LRIG1: variants seen among roughly 807,000 people sequenced by gnomAD.
LRIG1 encodes leucine-rich repeats and immunoglobulin-like domains protein 1.
A neutral mutation model predicts 99.2 loss-of-function variants in LRIG1; 48 were observed. That is an observed-to-expected ratio of 0.48 (90% CI 0.38 to 0.62). LRIG1 has a LOEUF of 0.62. Among genes scored for constraint, LRIG1 ranks in the 20% least tolerant of loss-of-function variants. LRIG1 has a pLI of 0.00. For synonymous variants in LRIG1, 772 were observed against 596.1 expected, an observed-to-expected ratio of 1.29 and a Z score of -4.30; for missense variants, 1,646 against 1,434.4, an observed-to-expected ratio of 1.15 and a Z score of -2.38.
chr3:66,500,506 G>C lies in LRIG1; in HGVS notation c.-99C>G. 1.7e-6 allele frequency: 1 copy of C among 599,174 alleles called. No homozygotes were observed. The highest frequency in any genetic ancestry group is 2.5e-6 in the Non-Finnish European group (1 of 399,286). 37.1% of individuals were successfully genotyped at this position (599,174 alleles called of 1,614,324 possible). ...CCGCGGGGCGCTCCGCTCGGCTCTA[G>C]ACTCCGCACCGGGGCATGGCCCCCG... On this transcript the variant is annotated 5_prime_UTR_variant, in exon 1 of 19. Coordinates refer to ENST00000273261, the MANE Select transcript of LRIG1 (RefSeq NM_015541.3).
At chr3:66,406,515 G>A in intron 8 of LRIG1, 1 of 654,004 alleles carries the variant, frequency 1.5e-6, no homozygotes, top group Middle Eastern at 7.8e-4. Flanking sequence ...CCAGGTGCAA[G>A]TGCAAAGGCC....
rs766660777 is a variant in LRIG1 at position 66,382,397 on chromosome 3, A to C, written c.2493T>G (p.Asp831Glu). Residue 831 changes from aspartate (D) to glutamate (E), a missense_variant and splice_region_variant, in exon 16 of 19, where the codon GAT (aspartate) becomes GAG (glutamate). By Grantham distance (45) the Asp-to-Glu change is conservative. Transcript: ENST00000273261. ...GAACATCTGGTGGCACGACGGTTTC[A>C]TCTGCAAGGAGACAGAACAAATAGA... ...KSEEYSVTNTDETVVPPDVPS... is the reference protein window; with the variant it reads ...KSEEYSVTNTEETVVPPDVPS... 54 of 1,614,124 alleles carry C rather than the reference A, an allele frequency of 3.3e-5. No individual in the cohort carries two copies. Among genetic ancestry groups the C allele is most frequent in the Non-Finnish European group, 4.4e-5 (52 of 1,180,046 alleles).
rs1347016800 is a variant in LRIG1 at position 66,417,460 on chromosome 3, T to C, written c.366-194A>G. On this transcript the variant is annotated intron_variant, in intron 3 of 18. Transcript: ENST00000273261. The stretch of plus-strand genomic sequence containing the variant: ...TGCTAGGAGAATATTGGATTTTCAA[T>C]CTGGGACAAGTTTATCAAAGTTCTA... 3 of 615,370 alleles carry C rather than the reference T, an allele frequency of 4.9e-6. No individual in the cohort carries two copies. The African/African-American group carries it at 5.6e-5, about 11-fold the overall frequency. The allele number at this position is 615,370 out of a possible 1,614,324, so 38.1% of individuals were successfully genotyped here.
chr3:66,383,954 A>ACACACG, intron 14 of LRIG1, 37 bp downstream of exon 14: 1 of 1,582,792 alleles, frequency 6.3e-7, no homozygotes, highest in Non-Finnish European at 8.6e-7. Context: ...TCGCTCACAC[A>ACACACG]CACACACACA....
intron 3 of LRIG1, among the ~76,000 whole-genome samples, chr3:66,430,719 T>C (rs996893171): frequency 6.6e-6 from 1 of 152,078 alleles, no homozygotes; most frequent in Non-Finnish European, 1.5e-5. Context: ...CAGTACCAGG[T>C]TGGGCTAAGA....
chr3:66,427,538 G>A (rs923366965), intron 3 of LRIG1, among the ~76,000 whole-genome samples: 2 of 152,154 alleles, frequency 1.3e-5, no homozygotes, highest in African/African-American at 4.8e-5. Flanking sequence ...AGTGACTCTG[G>A]CCTGTAATCC....
intron 3 of LRIG1, among the ~76,000 whole-genome samples, chr3:66,440,489 G>C (rs1008255053): frequency 2.6e-5 from 4 of 152,180 alleles, no homozygotes; most frequent in Non-Finnish European, 4.4e-5. Flanking sequence ...TTTTCTGTAA[G>C]CTTCAACTGG....
rs769941037 is a variant in LRIG1, at chr3:66,380,563, C to G, written c.3055+14G>C. ...AGCTCCCAACCCACCTGTTAGAAGA[C>G]AGTCAAAAGTTACCTTTCCCATCTA... On this transcript the variant is annotated intron_variant, in intron 18 of 18. Transcript: ENST00000273261. The G allele has an allele frequency of 6.2e-7, 1 of 1,613,270 alleles. No individual in the cohort carries two copies. Among genetic ancestry groups the G allele is most frequent in the Non-Finnish European group, 8.5e-7 (1 of 1,179,384 alleles).
chr3:66,399,099 G>A lies in LRIG1; in HGVS notation c.1161-58C>T. 2.9e-6 allele frequency: 4 copies of A among 1,370,544 alleles called. No homozygotes were observed. The South Asian group carries it at 4.7e-5, about 16-fold the overall frequency. 84.9% of individuals were successfully genotyped at this position (1,370,544 alleles called of 1,614,324 possible). A position where few individuals can be genotyped will look rare whatever the true frequency, so the allele number is the denominator to read the frequency against. ...AGGGAAGGAAAGCGAAACAGGAAGG[G>A]TTGAGAGAAAGAAAAAGAAAAAGAA... On this transcript the variant is annotated intron_variant, in intron 9 of 18. Transcript: ENST00000273261.
At position 66,412,465 on chromosome 3, in the gene LRIG1, G is replaced by A. The variant is rs145309984; in HGVS notation, c.791+406C>T. On this transcript the variant is annotated intron_variant, in intron 6 of 18. Coordinates refer to ENST00000273261, the MANE Select transcript of LRIG1 (RefSeq NM_015541.3). ...TCAACCAACTTATCTGACTCAATCC[G>A]CTGAAACTTCCCCCAAGTGGATTTC... 1.8e-3 allele frequency among the ~76,000 whole-genome samples: 278 copies of A among 152,310 alleles called. 4 individuals are homozygous for A. The highest frequency in any genetic ancestry group is 6.8e-4 in the Non-Finnish European group (46 of 68,024).
chr3:66,494,252 A>G (rs1423851084), intron 1 of LRIG1, among the ~76,000 whole-genome samples: 1 of 152,208 alleles, frequency 6.6e-6, no homozygotes. Context: ...TTTGCCCAAA[A>G]TCACACATGT....
chr3:66,475,703 A>G (rs1700706873), intron 1 of LRIG1, among the ~76,000 whole-genome samples: 1 of 152,214 alleles, frequency 6.6e-6, no homozygotes, highest in Non-Finnish European at 1.5e-5. Context: ...ACAGGGAGAA[A>G]ACCATCCACT....
chr3:66,390,616 A>C (rs1701580178), intron 12 of LRIG1, among the ~76,000 whole-genome samples: 1 of 152,218 alleles, frequency 6.6e-6, no homozygotes, highest in African/African-American at 2.4e-5. Flanking sequence ...CTGATCCAAA[A>C]AATTGTAAGG....
intron 9 of LRIG1, among the ~76,000 whole-genome samples, chr3:66,403,816 C>T (rs1702157038): frequency 6.6e-6 from 1 of 152,206 alleles, no homozygotes; most frequent in African/African-American, 2.4e-5. Context: ...ACTCTCACCA[C>T]CCTCACCCTT....
chr3:66,396,880 A>G (rs116611149), intron 11 of LRIG1, among the ~76,000 whole-genome samples: 2,187 of 152,128 alleles, frequency 0.014, 61 homozygotes, highest in African/African-American at 0.047. Flanking sequence ...CTGCGAGTCC[A>G]CCTCTGAGTC....
chr3:66,445,165 C>A (rs755149550), intron 3 of LRIG1, among the ~76,000 whole-genome samples: 1 of 152,010 alleles, frequency 6.6e-6, no homozygotes, highest in East Asian at 1.9e-4. Flanking sequence ...CTTAACTCCA[C>A]ACTCTTAATG....
intron 8 of LRIG1, 134 bp downstream of exon 8, chr3:66,407,214 C>A: frequency 1.1e-6 from 1 of 899,092 alleles, no homozygotes; most frequent in South Asian, 1.6e-5. Context: ...AGACTCTGCA[C>A]ATAGAGCAAG....
In LRIG1 at chr3:66,382,264, A is replaced by G. The variant is rs1559763884; in HGVS notation, c.2617+9T>C. ...GCAGAGCTCTGCTTCACAGTTACTGAGGCCTTACCATTGCTCTCAATGTGC... is the reference window on the plus strand; with the variant it reads ...GCAGAGCTCTGCTTCACAGTTACTGGGGCCTTACCATTGCTCTCAATGTGC... On this transcript the variant is annotated intron_variant, in intron 16 of 18. Coordinates refer to ENST00000273261, the MANE Select transcript of LRIG1 (RefSeq NM_015541.3). 1.2e-6 allele frequency: 2 copies of G among 1,614,014 alleles called. No individual in the cohort carries two copies. Among genetic ancestry groups the G allele is most frequent in the East Asian group, 2.2e-5 (1 of 44,862 alleles).
chr3:66,407,418 G>A lies in LRIG1; in HGVS notation c.1009C>T (p.Arg337Cys). 3 of 1,614,042 alleles carry A rather than the reference G, an allele frequency of 1.9e-6. No individual in the cohort carries two copies. Among genetic ancestry groups the A allele is most frequent in the Non-Finnish European group, 1.7e-6 (2 of 1,180,018 alleles). Reference protein sequence around the residue: ...LAELSSLSVLRLSHNSISHIA... With the variant: ...LAELSSLSVLCLSHNSISHIA... ...TGGCTGATGGAATTGTGGCTGAGAC[G>A]CAGGACACTCAGGCTGCTCAGCTCG... Residue 337 changes from arginine to cysteine, a missense_variant, in exon 8 of 19, where the codon CGT (arginine) becomes TGT (cysteine). By Grantham distance (180) the Arg-to-Cys change is radical. Coordinates refer to ENST00000273261, the MANE Select transcript of LRIG1 (RefSeq NM_015541.3).
Sources: gnomAD v4.1 joint callset for allele counts (sites outside exome capture counted in the v4.1 genomes callset) on GRCh38, gnomAD v4.1.1 for gene constraint, MANE v1.5 for transcripts, NCBI Gene and HGNC (gene_info 2026-07-23, HGNC 2026-07-21) for gene names.